CRYBG3: variants seen among roughly 807,000 people sequenced by gnomAD.
CRYBG3 encodes crystallin beta-gamma domain containing 3.
A neutral mutation model predicts 244.2 loss-of-function variants in CRYBG3; 127 were observed. The observed-to-expected ratio is 0.52, with a 90% confidence interval of 0.45 to 0.60. The LOEUF is 0.60. CRYBG3 is among the 20% of genes least tolerant of loss of function. The pLI is 0.00. For synonymous variants in CRYBG3, 1,132 were observed against 1,195.8 expected (o/e 0.95, Z 1.10); for missense variants, 3,325 against 3,442.5 (o/e 0.97, Z 0.85).
intron 18 of CRYBG3, among the ~76,000 whole-genome samples, chr3:97,936,149 C>G (rs1473545448): frequency 6.6e-6 from 1 of 152,066 alleles, no homozygotes; most frequent in African/African-American, 2.4e-5. Context: ...CAGCCGTAGG[C>G]AATCCTTAAA....
intron 1 of CRYBG3, among the ~76,000 whole-genome samples, chr3:97,823,553 A>G (rs909979511): frequency 6.6e-6 from 1 of 152,220 alleles, no homozygotes; most frequent in African/African-American, 2.4e-5. Flanking sequence ...GGGACGTTTC[A>G]GCTATTATTG....
chr3:97,879,241 A>G (rs896752102), intron 4 of CRYBG3, among the ~76,000 whole-genome samples: 3 of 152,080 alleles, frequency 2.0e-5, no homozygotes, highest in Non-Finnish European at 2.9e-5. Context: ...TTTCCCCAGG[A>G]TGGTTCTCTT....
At chr3:97,843,921 A>G (rs80131547) in intron 2 of CRYBG3, among the ~76,000 whole-genome samples, 1,812 of 152,228 alleles carry the variant, frequency 0.012, 25 homozygotes, top group African/African-American at 0.041. Context: ...CTATCCCACA[A>G]TCATGGCTTT....
intron 10 of CRYBG3, 23 bp downstream of exon 10, chr3:97,889,413 TAG>T: frequency 6.3e-7 from 1 of 1,588,732 alleles, no homozygotes; most frequent in Non-Finnish European, 8.6e-7. Context: ...CTGATTTTTG[TAG>T]CAGGCTAAAG....
At chr3:97,921,943 A>G (rs1463381351) in intron 17 of CRYBG3, among the ~76,000 whole-genome samples, 1 of 152,168 alleles carries the variant, frequency 6.6e-6, no homozygotes, top group Non-Finnish European at 1.5e-5. Context: ...CAGCCCTGGC[A>G]GCTCCAAGGA....
chr3:97,887,769 C>G (rs1344229989), intron 8 of CRYBG3, among the ~76,000 whole-genome samples: 2 of 151,844 alleles, frequency 1.3e-5, no homozygotes, highest in Non-Finnish European at 2.9e-5. Flanking sequence ...GAAAAAACAA[C>G]AAAAACAAAA....
chr3:97,935,515 G>A (rs1022960563), intron 18 of CRYBG3, among the ~76,000 whole-genome samples: 2 of 152,016 alleles, frequency 1.3e-5, no homozygotes, highest in African/African-American at 4.8e-5. Context: ...GGTTGAGTCA[G>A]TCATCCCTAC....
rs1322082103 is a variant in CRYBG3 at position 97,878,039 on chromosome 3, TAA to T, written c.6843+3_6843+4del. On this transcript the variant is annotated splice_donor_region_variant and intron_variant, in intron 4 of 21. Transcript: ENST00000389622. ...GGCAGATTGAGCCCATTTATAGAGG[TAA>T]GTTATTTTGTTTATTGTATTAATAA... 1 of 1,591,222 alleles carries T rather than the reference TAA, an allele frequency of 6.3e-7. No individual in the cohort carries two copies. The highest frequency in any genetic ancestry group is 2.2e-5 in the East Asian group (1 of 44,776).
In CRYBG3 at chr3:97,872,031, A is replaced by G. The variant is rs1576535139; in HGVS notation, c.837A>G (p.Val279=). 6.5e-7 allele frequency: 1 copy of G among 1,535,788 alleles called. No homozygotes were observed. Among genetic ancestry groups the G allele is most frequent in the Non-Finnish European group, 8.7e-7 (1 of 1,146,706 alleles). The part of the protein sequence containing the change: ...IDPGSEIEAG[V]LPLLLSASTD... ...CTGGAAGTGAGATTGAGGCTGGGGT[A>G]CTGCCACTGTTGTTATCAGCTAGTA... Residue 279 remains valine, a synonymous_variant, in exon 4 of 22, where the codon GTA becomes GTG. Coordinates refer to ENST00000389622, the MANE Select transcript of CRYBG3 (RefSeq NM_153605.4).
intron 3 of CRYBG3, among the ~76,000 whole-genome samples, chr3:97,869,631 A>T (rs1375367474): frequency 6.6e-6 from 1 of 152,204 alleles, no homozygotes; most frequent in Non-Finnish European, 1.5e-5. Context: ...ATGGTATCTT[A>T]TCCAAGTTTT....
In CRYBG3 at chr3:97,889,433, G is replaced by T. The variant is rs113501221; in HGVS notation, c.7440+43G>T. 7 of 1,462,636 alleles carry T rather than the reference G, an allele frequency of 4.8e-6. No individual in the cohort carries two copies. In the East Asian group the frequency reaches 1.6e-4, roughly 33 times the overall value. 90.6% of individuals were successfully genotyped at this position (1,462,636 alleles called of 1,614,324 possible). A position where few individuals can be genotyped will look rare whatever the true frequency, so the allele number is the denominator to read the frequency against. On this transcript the variant is annotated intron_variant, in intron 10 of 21. Coordinates refer to ENST00000389622, the MANE Select transcript of CRYBG3 (RefSeq NM_153605.4). ...TTTTGTAGCAGGCTAAAGAGTCTCA[G>T]GATTAATATTTATTCCAATAATTTT...
intron 18 of CRYBG3, among the ~76,000 whole-genome samples, chr3:97,935,209 C>G (rs944773935): frequency 1.3e-5 from 2 of 152,072 alleles, no homozygotes; most frequent in Non-Finnish European, 2.9e-5. Flanking sequence ...CCATCCCACA[C>G]AGTTTTCCAA....
chr3:97,828,849 CAAAA>C (rs1403477037), intron 1 of CRYBG3, among the ~76,000 whole-genome samples: 1 of 142,306 alleles, frequency 7.0e-6, no homozygotes, highest in Admixed American at 7.0e-5. Flanking sequence ...AAAAAAATAA[CAAAA>C]ACAAACAAAC....
Position 97,874,968 on chromosome 3 carries a change from G to A in CRYBG3, c.3774G>A (p.Gln1258=). 3 of 1,535,984 alleles carry A rather than the reference G, an allele frequency of 2.0e-6. No individual in the cohort carries two copies. Among genetic ancestry groups the A allele is most frequent in the Non-Finnish European group, 2.6e-6 (3 of 1,146,852 alleles). The change falls in exon 4 of 22, where the codon CAG becomes CAA. Residue 1258 remains glutamine, a synonymous_variant. Coordinates refer to ENST00000389622, the MANE Select transcript of CRYBG3 (RefSeq NM_153605.4). The part of the protein sequence containing the change: ...PSEVTLTEIQ[Q]TEGLEEQGME... ...AAGTGACACTAACAGAAATACAACA[G>A]ACAGAGGGTTTGGAAGAGCAAGGCA...
Position 97,875,318 on chromosome 3 carries a change from A to C in CRYBG3, c.4124A>C (p.Lys1375Thr). ...CAAAGCACACAAATTAGTGAAAATA[A>C]AGTATTAAATGAATTCTTCTCCCTA... ...VNQSTQISEN[K>T]VLNEFFSLSN... Residue 1375 changes from lysine to threonine, a missense_variant, in exon 4 of 22, where the codon AAA becomes ACA. Physicochemically the swap from Lys to Thr is moderately conservative, Grantham distance 78. Transcript: ENST00000389622. The C allele has an allele frequency of 1.4e-6, 2 of 1,441,790 alleles. No homozygotes were observed. Among genetic ancestry groups the C allele is most frequent in the Non-Finnish European group, 1.8e-6 (2 of 1,105,130 alleles). The allele number at this position is 1,441,790 out of a possible 1,614,324, so 89.3% of individuals were successfully genotyped here.
intron 3 of CRYBG3, among the ~76,000 whole-genome samples, chr3:97,867,384 A>G (rs2039247126): frequency 6.6e-6 from 1 of 152,224 alleles, no homozygotes; most frequent in African/African-American, 2.4e-5. Context: ...AATGTGAATT[A>G]GATACTTTTG....
chr3:97,832,227 C>CA (rs34688264), intron 1 of CRYBG3, among the ~76,000 whole-genome samples: 7,366 of 81,728 alleles, frequency 0.09, 599 homozygotes, highest in African/African-American at 0.25. Flanking sequence ...CATGTGGAAC[C>CA]AAAAAAAAAA....
intron 15 of CRYBG3, among the ~76,000 whole-genome samples, chr3:97,902,366 A>T (rs919044695): frequency 2.0e-5 from 3 of 152,168 alleles, no homozygotes; most frequent in Non-Finnish European, 4.4e-5. Flanking sequence ...ACCTGGAAAC[A>T]TTATGATGAG....
chr3:97,905,028 A>G (rs986579457), intron 15 of CRYBG3, among the ~76,000 whole-genome samples: 18 of 148,260 alleles, frequency 1.2e-4, no homozygotes, highest in African/African-American at 4.8e-4. Context: ...TTTACTGAGA[A>G]TGATGATTTC....
Sources: gnomAD v4.1 joint callset for allele counts (sites outside exome capture counted in the v4.1 genomes callset) on GRCh38, gnomAD v4.1.1 for gene constraint, MANE v1.5 for transcripts, NCBI Gene and HGNC (gene_info 2026-07-23, HGNC 2026-07-21) for gene names.